The following CD200R1 variants were observed in gnomAD, a reference collection of about 807,000 sequenced individuals.
The protein encoded by CD200R1 is cell surface glycoprotein CD200 receptor 1.
In CD200R1, 30 loss-of-function variants were observed where a neutral mutation model predicts 38.1. That is an observed-to-expected ratio of 0.79 (90% CI 0.59 to 1.07). The LOEUF is 1.07. Among genes scored for constraint, CD200R1 ranks in the 50% least tolerant of loss-of-function variants. The pLI is 0.00. For missense variants in CD200R1, 372 were observed against 415.4 expected, an observed-to-expected ratio of 0.90 and a Z score of 0.91; for synonymous variants, 128 against 152.1, an observed-to-expected ratio of 0.84 and a Z score of 1.16.
chr3:112,947,455 TAA>T (rs1445182375), intron 2 of CD200R1, among the ~76,000 whole-genome samples: 2 of 152,164 alleles, frequency 1.3e-5, no homozygotes, highest in African/African-American at 4.8e-5. Context: ...TCTAAAAAAA[TAA>T]AGTCTGTTAA....
intron 1 of CD200R1, 28 bp downstream of exon 1, chr3:112,974,763 T>C (rs1356830891): frequency 6.7e-7 from 1 of 1,486,844 alleles, no homozygotes; most frequent in Admixed American, 1.7e-5. Context: ...GGTTTCTCAC[T>C]GTTCTCCCAA....
At chr3:112,948,012 C>T (rs2133946) in intron 1 of CD200R1, 88 bp from the exon 2 acceptor site, 274,406 of 867,662 alleles carry the variant, frequency 0.32, 46,598 homozygotes, top group Non-Finnish European at 0.36. Context: ...TTTTCACATT[C>T]TTCAGACTAT....
At chr3:112,936,948 C>T (rs766577551) in intron 2 of CD200R1, among the ~76,000 whole-genome samples, 6 of 152,058 alleles carry the variant, frequency 3.9e-5, no homozygotes, top group African/African-American at 7.2e-5. Flanking sequence ...TGGGGTTTTA[C>T]GTTTAAGTCT....
intron 2 of CD200R1, among the ~76,000 whole-genome samples, chr3:112,937,050 A>G (rs151232587): frequency 0.021 from 3,260 of 152,254 alleles, 40 homozygotes; most frequent in South Asian, 0.047. Context: ...CCAAGACTGG[A>G]TAATTTATAA....
Position 112,929,229 on chromosome 3 carries a change from CAG to C in CD200R1, c.479_480del (p.Pro160ArgfsTer17). ...TGATATCCACGATGGAAATTCCCATCAGGTGTTACCATTATGCATCTGTAATA... is the reference window on the plus strand; with the variant it reads ...TGATATCCACGATGGAAATTCCCATCGTGTTACCATTATGCATCTGTAATA... Reference protein sequence around the residue: ...DGYYRCIMVTPDGNFHRGYHL... With the variant: ...DGYYRCIMVTXDGNFHRGYHL... On this transcript the variant is annotated frameshift_variant, in exon 4 of 8. Coordinates refer to ENST00000308611, the MANE Select transcript of CD200R1 (RefSeq NM_138806.4). LOFTEE classifies it high-confidence loss of function. The C allele has an allele frequency of 6.2e-7, 1 of 1,614,172 alleles. No homozygotes were observed. The highest frequency in any genetic ancestry group is 8.5e-7 in the Non-Finnish European group (1 of 1,180,026).
chr3:112,964,423 G>C (rs1442439791), intron 1 of CD200R1, among the ~76,000 whole-genome samples: 1 of 152,184 alleles, frequency 6.6e-6, no homozygotes, highest in Admixed American at 6.5e-5. Flanking sequence ...CAAGACCATG[G>C]GGACCCTCCT....
At chr3:112,966,151 G>C (rs918328684) in intron 1 of CD200R1, among the ~76,000 whole-genome samples, 3 of 152,194 alleles carry the variant, frequency 2.0e-5, no homozygotes, top group Non-Finnish European at 4.4e-5. Context: ...TAAATCAGGA[G>C]GTGAGCAGCT....
At chr3:112,959,127 A>G (rs1932944594) in intron 1 of CD200R1, among the ~76,000 whole-genome samples, 1 of 152,184 alleles carries the variant, frequency 6.6e-6, no homozygotes, top group South Asian at 2.1e-4. Context: ...CAACGTCACC[A>G]TTCCTGTTAA....
At chr3:112,971,380 A>G (rs1933305741) in intron 1 of CD200R1, among the ~76,000 whole-genome samples, 1 of 152,256 alleles carries the variant, frequency 6.6e-6, no homozygotes, top group East Asian at 1.9e-4. Context: ...CAGGGATGCA[A>G]TACAGAGGGC....
rs912948082 is a variant in CD200R1, at chr3:112,943,545, C to T, written c.136+4311G>A. Among the ~76,000 whole-genome samples, 6 of 151,590 alleles carry T rather than the reference C, an allele frequency of 4.0e-5. No individual in the cohort carries two copies. The East Asian group carries it at 7.7e-4, about 19-fold the overall frequency. On this transcript the variant is annotated intron_variant, in intron 2 of 7. Transcript: ENST00000308611. ...AAAATTAGAAAGGTCTAAAATCAATCACCCAGACTCCAACTTTACGAAACT... is the reference window on the plus strand; with the variant it reads ...AAAATTAGAAAGGTCTAAAATCAATTACCCAGACTCCAACTTTACGAAACT...
intron 1 of CD200R1, among the ~76,000 whole-genome samples, chr3:112,958,371 G>A (rs538825558): frequency 7.9e-5 from 12 of 152,012 alleles, no homozygotes; most frequent in Admixed American, 5.2e-4. Flanking sequence ...TACAAGATGG[G>A]CACAAAAGAA....
chr3:112,935,463 TAAAC>T, intron 2 of CD200R1, among the ~76,000 whole-genome samples: 1 of 152,164 alleles, frequency 6.6e-6, no homozygotes, highest in South Asian at 2.1e-4. Context: ...ACATGAAAGT[TAAAC>T]AGCATGTTCC....
At chr3:112,949,476 A>T (rs973896702) in intron 1 of CD200R1, among the ~76,000 whole-genome samples, 1 of 152,182 alleles carries the variant, frequency 6.6e-6, no homozygotes, top group African/African-American at 2.4e-5. Flanking sequence ...TATGTTCTTT[A>T]TTTCCATCTC....
chr3:112,974,926 G>A lies in CD200R1; in HGVS notation c.-69C>T, dbSNP rs115467780. ...CACACAGGTACAGAAGGAACTGTGC[G>A]CATGGTGAGACCCTCTCTGGTCAAC... On this transcript the variant is annotated 5_prime_UTR_variant, in exon 1 of 8. Coordinates refer to ENST00000308611, the MANE Select transcript of CD200R1 (RefSeq NM_138806.4). The A allele has an allele frequency of 0.011, 13,501 of 1,253,164 alleles. 170 individuals are homozygous for A. Among genetic ancestry groups the A allele is most frequent in the South Asian group, 0.034 (2,822 of 82,232 alleles). The allele number at this position is 1,253,164 out of a possible 1,614,324, so 77.6% of individuals were successfully genotyped here. A position where few individuals can be genotyped will look rare whatever the true frequency, so the allele number is the denominator to read the frequency against.
At chr3:112,932,902 A>C (rs976709909) in intron 2 of CD200R1, among the ~76,000 whole-genome samples, 1 of 151,882 alleles carries the variant, frequency 6.6e-6, no homozygotes, top group Admixed American at 6.5e-5. Context: ...CCTAAGAAAC[A>C]ACCCAGTGGA....
chr3:112,929,682 C>T (rs1206314564), intron 3 of CD200R1, among the ~76,000 whole-genome samples, 175 bp from the exon 4 acceptor site: 2 of 151,746 alleles, frequency 1.3e-5, no homozygotes. Context: ...TATATTGAAC[C>T]CAATCTAGAG....
chr3:112,928,563 C>T (rs542790597), intron 5 of CD200R1, among the ~76,000 whole-genome samples: 62 of 140,494 alleles, frequency 4.4e-4, no homozygotes, highest in African/African-American at 1.5e-3. Flanking sequence ...AAGTATACTA[C>T]TCATGCTAAT....
chr3:112,963,623 G>A (rs541832668), intron 1 of CD200R1, among the ~76,000 whole-genome samples: 3 of 152,236 alleles, frequency 2.0e-5, no homozygotes, highest in East Asian at 3.9e-4. Context: ...TTCAAGATGC[G>A]ACTTGGGTGC....
At chr3:112,925,655 G>A (rs1358126553) in intron 5 of CD200R1, among the ~76,000 whole-genome samples, 3 of 152,114 alleles carry the variant, frequency 2.0e-5, no homozygotes, top group Non-Finnish European at 4.4e-5. Context: ...ACACTCTGGT[G>A]CAGGTGTAGG....
Sources: gnomAD v4.1 joint callset for allele counts (sites outside exome capture counted in the v4.1 genomes callset) on GRCh38, gnomAD v4.1.1 for gene constraint, MANE v1.5 for transcripts, NCBI Gene and HGNC (gene_info 2026-07-23, HGNC 2026-07-21) for gene names.